The following NAALADL2 variants were observed in gnomAD, a reference collection of about 807,000 sequenced individuals.
NAALADL2 encodes N-acetylated alpha-linked acidic dipeptidase like 2.
NAALADL2 carries 76 observed loss-of-function variants against 87.2 expected under a neutral mutation model. That is an observed-to-expected ratio of 0.87 (90% CI 0.72 to 1.05). The LOEUF (loss-of-function observed/expected upper bound fraction) is 1.05. Ranked by LOEUF, NAALADL2 falls within the 50% of genes least tolerant of loss-of-function variation. NAALADL2 has a pLI of 0.00. For missense variants in NAALADL2, 1,089 were observed against 945.8 expected, an observed-to-expected ratio of 1.15 and a Z score of -1.99; for synonymous variants, 354 against 331.0, an observed-to-expected ratio of 1.07 and a Z score of -0.75.
chr3:175,192,621 C>T (rs1738376024), intron 2 of NAALADL2, among the ~76,000 whole-genome samples: 1 of 151,884 alleles, frequency 6.6e-6, no homozygotes, highest in Non-Finnish European at 1.5e-5. Context: ...TTAATTTTCT[C>T]AGTGGGAAAA....
rs78071318 is a variant in NAALADL2 at position 174,776,691 on chromosome 3, T to C, written c.-9+38945T>C. 1.8e-4 allele frequency among the ~76,000 whole-genome samples: 27 copies of C among 152,298 alleles called. No homozygotes were observed. In the East Asian group the frequency reaches 5.2e-3, roughly 29 times the overall value. The stretch of plus-strand genomic sequence containing the variant: ...AGGCACATATTGCTTTTAGTTTTAC[T>C]TATTGAAGATAGAAGATATTTCACT... On this transcript the variant is annotated intron_variant, in intron 3 of 3. Coordinates refer to the NAALADL2 transcript ENST00000434257.
rs915031490 is a variant in NAALADL2 at position 174,924,244 on chromosome 3, A to G, written c.43+64794A>G. Among the ~76,000 whole-genome samples, 7 of 111,338 alleles carry G rather than the reference A, an allele frequency of 6.3e-5. No individual in the cohort carries two copies. The Admixed American group carries it at 9.4e-4, about 15-fold the overall frequency. The allele number at this position is 111,338 out of a possible 152,430, so 73.0% of individuals were successfully genotyped here. A position where few individuals can be genotyped will look rare whatever the true frequency, so the allele number is the denominator to read the frequency against. ...ACCCCACAACAGGCCCCGGTGCGTG[A>G]TGTCCCCCTTCCTGTGTCCAACTGT... is the stretch of plus-strand genomic sequence containing the variant. On this transcript the variant is annotated intron_variant, in intron 1 of 13. Transcript: ENST00000454872.
intron 5 of NAALADL2, among the ~76,000 whole-genome samples, chr3:175,375,208 TA>T (rs1199773333): frequency 6.6e-6 from 1 of 152,122 alleles, no homozygotes; most frequent in Non-Finnish European, 1.5e-5. Context: ...GACATTTTTT[TA>T]AAAAGTGCTA....
intron 3 of NAALADL2, among the ~76,000 whole-genome samples, chr3:174,838,114 A>G (rs1723577606): frequency 6.6e-6 from 1 of 152,114 alleles, no homozygotes. Context: ...AGCTAACAGA[A>G]TCCAACAACG....
chr3:175,328,546 T>C (rs1352249524), intron 5 of NAALADL2, among the ~76,000 whole-genome samples: 1 of 152,156 alleles, frequency 6.6e-6, no homozygotes, highest in Non-Finnish European at 1.5e-5. Context: ...GCTATAAGTA[T>C]TTCAACTGCA....
chr3:175,218,621 A>T lies in NAALADL2; in HGVS notation c.546-15310A>T, dbSNP rs1167331350. 2.0e-5 allele frequency among the ~76,000 whole-genome samples: 3 copies of T among 152,122 alleles called. No homozygotes were observed. The East Asian group carries it at 5.8e-4, about 29-fold the overall frequency. ...AAATATAACAGTTATTTTCACATTT[A>T]TAATCATGAATTTGTCTATTTCTTA... is the stretch of plus-strand genomic sequence containing the variant. On this transcript the variant is annotated intron_variant, in intron 2 of 13. Coordinates refer to ENST00000454872, the MANE Select transcript of NAALADL2 (RefSeq NM_207015.3).
intron 4 of NAALADL2, among the ~76,000 whole-genome samples, chr3:175,306,294 G>C (rs975215887): frequency 1.2e-4 from 18 of 152,112 alleles, no homozygotes; most frequent in African/African-American, 4.1e-4. Flanking sequence ...CTTTTTCAAA[G>C]TATTATTTTA....
chr3:174,497,407 T>G (rs759190877), intron 1 of NAALADL2, among the ~76,000 whole-genome samples: 5 of 152,066 alleles, frequency 3.3e-5, no homozygotes, highest in Non-Finnish European at 7.4e-5. Flanking sequence ...ATTAAACTCC[T>G]GGCTTGAACC....
intron 1 of NAALADL2, among the ~76,000 whole-genome samples, chr3:174,908,204 T>A (rs1227863290): frequency 6.6e-6 from 1 of 152,028 alleles, no homozygotes; most frequent in African/African-American, 2.4e-5. Context: ...AAGTCAGTTA[T>A]TTGCTTTCCT....
chr3:175,389,932 A>T (rs772144666), intron 5 of NAALADL2, among the ~76,000 whole-genome samples: 1 of 152,204 alleles, frequency 6.6e-6, no homozygotes, highest in African/African-American at 2.4e-5. Context: ...AACCCTTAAG[A>T]TTCCATGGTA....
intron 2 of NAALADL2, among the ~76,000 whole-genome samples, chr3:174,552,944 G>A (rs1369784811): frequency 6.6e-6 from 1 of 151,966 alleles, no homozygotes; most frequent in East Asian, 1.9e-4. Context: ...CAAGATAGGT[G>A]ACTATAGACA....
chr3:174,916,262 G>T (rs1000287905), intron 1 of NAALADL2, among the ~76,000 whole-genome samples: 1 of 152,124 alleles, frequency 6.6e-6, no homozygotes, highest in Non-Finnish European at 1.5e-5. Context: ...TAATACTGTG[G>T]TGGGAATGTA....
intron 1 of NAALADL2, among the ~76,000 whole-genome samples, chr3:174,518,034 A>T (rs1253579146): frequency 2.6e-5 from 4 of 152,144 alleles, no homozygotes; most frequent in African/African-American, 9.6e-5. Context: ...GCTGATAAGT[A>T]AAAAATTGCA....
chr3:175,458,478 G>T (rs1422297264), intron 6 of NAALADL2, among the ~76,000 whole-genome samples: 1 of 85,886 alleles, frequency 1.2e-5, no homozygotes, highest in Non-Finnish European at 2.9e-5. Context: ...TGTTCTCATG[G>T]TTTTATATAT....
At chr3:175,123,032 A>G (rs9839750) in intron 2 of NAALADL2, among the ~76,000 whole-genome samples, 91,763 of 151,718 alleles carry the variant, frequency 0.6, 28,274 homozygotes, top group African/African-American at 0.73. Flanking sequence ...TGATAATGAC[A>G]TTAATCCATT....
intron 3 of NAALADL2, among the ~76,000 whole-genome samples, chr3:174,826,466 G>A (rs80055951): frequency 0.019 from 2,902 of 152,244 alleles, 100 homozygotes; most frequent in African/African-American, 0.066. Context: ...TTGGCACATA[G>A]TGAGGCCTCA....
chr3:174,804,721 T>C (rs1719254208), intron 3 of NAALADL2, among the ~76,000 whole-genome samples: 1 of 152,160 alleles, frequency 6.6e-6, no homozygotes, highest in South Asian at 2.1e-4. Context: ...TATGTGACTG[T>C]CAGAACATTT....
intron 3 of NAALADL2, among the ~76,000 whole-genome samples, chr3:174,845,422 G>A (rs1215989474): frequency 1.3e-5 from 2 of 152,208 alleles, no homozygotes; most frequent in African/African-American, 4.8e-5. Flanking sequence ...AGGCAGCTGA[G>A]GAGGGCTTTT....
chr3:175,001,257 G>A (rs1205486269), intron 1 of NAALADL2, among the ~76,000 whole-genome samples: 1 of 152,184 alleles, frequency 6.6e-6, no homozygotes, highest in Non-Finnish European at 1.5e-5. Context: ...TCTAGAGCCT[G>A]GGAATCTGTA....
Sources: allele counts gnomAD v4.1 joint callset (sites outside exome capture counted in the v4.1 genomes callset), GRCh38; gene constraint gnomAD v4.1.1; transcripts MANE v1.5; gene names NCBI Gene and HGNC (gene_info 2026-07-23, HGNC 2026-07-21).